ADGRB3: variants seen among roughly 807,000 people sequenced by gnomAD.
ADGRB3 encodes the protein brain-specific angiogenesis inhibitor 3.
In ADGRB3, 37 loss-of-function variants were observed where a neutral mutation model predicts 193.4. That is an observed-to-expected ratio of 0.19 (90% CI 0.15 to 0.25). ADGRB3 has a LOEUF of 0.25. Ranked by LOEUF, ADGRB3 falls within the 10% of genes least tolerant of loss-of-function variation. The pLI, the probability that ADGRB3 is intolerant of heterozygous loss-of-function variation, is 1.00. For synonymous variants in ADGRB3, 690 were observed against 644.2 expected (o/e 1.07, Z -1.08); for missense variants, 1,637 against 1,852.9 (o/e 0.88, Z 2.14).
chr6:68,884,019 A>G (rs991176442), intron 3 of ADGRB3, among the ~76,000 whole-genome samples: 1 of 150,064 alleles, frequency 6.7e-6, no homozygotes, highest in Non-Finnish European at 1.5e-5. Context: ...AGATATTTTA[A>G]AAAATGATTT....
In ADGRB3 at chr6:69,288,738, T is replaced by C. The variant is rs141654312; in HGVS notation, c.2815-36134T>C. Among the ~76,000 whole-genome samples, 3 of 152,318 alleles carry C rather than the reference T, an allele frequency of 2.0e-5. No individual in the cohort carries two copies. The East Asian group carries it at 5.8e-4, about 29-fold the overall frequency. ...GGCTTTGGCTTTCACAGTGTAGGTG[T>C]TTATTTTTAATTAAAGGCTTTTCCC... On this transcript the variant is annotated intron_variant, in intron 20 of 31. Transcript: ENST00000370598.
chr6:69,247,428 C>T (rs557306042), intron 20 of ADGRB3, among the ~76,000 whole-genome samples: 2 of 152,156 alleles, frequency 1.3e-5, no homozygotes, highest in Non-Finnish European at 2.9e-5. Flanking sequence ...CTTTCTGTTC[C>T]CTCCTAGGGA....
intron 3 of ADGRB3, among the ~76,000 whole-genome samples, chr6:68,700,988 A>T (rs936117378): frequency 2.0e-5 from 3 of 152,172 alleles, no homozygotes; most frequent in Non-Finnish European, 4.4e-5. Flanking sequence ...AAAATAATTT[A>T]AAAAACTATA....
At chr6:68,860,005 G>A (rs1765108477) in intron 3 of ADGRB3, among the ~76,000 whole-genome samples, 1 of 151,860 alleles carries the variant, frequency 6.6e-6, no homozygotes, top group Admixed American at 6.6e-5. Flanking sequence ...GGTATTTTAT[G>A]AAAAATAACT....
intron 5 of ADGRB3, among the ~76,000 whole-genome samples, chr6:68,938,427 A>C (rs779781784): frequency 8.4e-6 from 1 of 119,222 alleles, no homozygotes; most frequent in Non-Finnish European, 1.7e-5. Context: ...CTTGTATAAC[A>C]TGATATTTTG....
At chr6:69,290,732 G>C (rs1582608527) in intron 20 of ADGRB3, among the ~76,000 whole-genome samples, 1 of 152,082 alleles carries the variant, frequency 6.6e-6, no homozygotes, top group African/African-American at 2.4e-5. Context: ...TAGCTAATAA[G>C]TTTTCTAGCC....
intron 3 of ADGRB3, among the ~76,000 whole-genome samples, chr6:68,679,547 A>G (rs1046560870): frequency 3.3e-5 from 5 of 149,550 alleles, no homozygotes; most frequent in Admixed American, 6.7e-5. Flanking sequence ...GCTTTTCAGG[A>G]AAAAAAAAAT....
At chr6:68,851,277 C>A (rs12055424) in intron 3 of ADGRB3, among the ~76,000 whole-genome samples, 64,777 of 151,614 alleles carry the variant, frequency 0.43, 15,736 homozygotes, top group East Asian at 0.6. Context: ...CTCTGCCTCT[C>A]TAGCTGTCTT....
intron 3 of ADGRB3, among the ~76,000 whole-genome samples, chr6:68,662,722 T>C (rs1768695681): frequency 6.6e-6 from 1 of 151,414 alleles, no homozygotes. Context: ...TATAAAAATA[T>C]TATTTGTAGC....
intron 20 of ADGRB3, among the ~76,000 whole-genome samples, chr6:69,323,706 A>G (rs902102412): frequency 1.3e-5 from 2 of 152,090 alleles, no homozygotes. Context: ...CATCATTTAC[A>G]CAACCTGGTG....
chr6:69,377,102 T>C (rs548564121), intron 30 of ADGRB3, among the ~76,000 whole-genome samples: 1 of 152,190 alleles, frequency 6.6e-6, no homozygotes, highest in Admixed American at 6.6e-5. Context: ...CACAACACAC[T>C]TTAAGAACTA....
At chr6:68,711,747 G>T in intron 3 of ADGRB3, among the ~76,000 whole-genome samples, 1 of 150,218 alleles carries the variant, frequency 6.7e-6, no homozygotes, top group Non-Finnish European at 1.5e-5. Context: ...GTATAGATAA[G>T]ATTGATTCAT....
At chr6:68,807,259 A>T in intron 3 of ADGRB3, among the ~76,000 whole-genome samples, 1 of 92,138 alleles carries the variant, frequency 1.1e-5, no homozygotes, top group Admixed American at 1.7e-4. Context: ...TTTTTTTGAG[A>T]CAGAGTCTCG....
chr6:69,127,448 C>T (rs530200760), intron 17 of ADGRB3, among the ~76,000 whole-genome samples: 2 of 152,246 alleles, frequency 1.3e-5, no homozygotes, highest in Admixed American at 6.5e-5. Flanking sequence ...AGTGAGGGTG[C>T]GGTGGTCTGG....
At chr6:69,141,419 G>T (rs1395327151) in intron 17 of ADGRB3, among the ~76,000 whole-genome samples, 1 of 152,162 alleles carries the variant, frequency 6.6e-6, no homozygotes, top group African/African-American at 2.4e-5. Flanking sequence ...CACTGCGCCC[G>T]GCCGGGGCAG....
chr6:69,322,869 T>C (rs745999147), intron 20 of ADGRB3, among the ~76,000 whole-genome samples: 1 of 151,980 alleles, frequency 6.6e-6, no homozygotes, highest in African/African-American at 2.4e-5. Flanking sequence ...AATACTATTG[T>C]CTGAAGACAT....
intron 17 of ADGRB3, among the ~76,000 whole-genome samples, chr6:69,113,882 C>A (rs1040024474): frequency 2.0e-5 from 3 of 152,116 alleles, no homozygotes; most frequent in African/African-American, 7.2e-5. Context: ...CTAAGTCAGC[C>A]TGGGTGGCTG....
chr6:69,315,773 C>G (rs1412786323), intron 20 of ADGRB3, among the ~76,000 whole-genome samples: 1 of 151,246 alleles, frequency 6.6e-6, no homozygotes, highest in East Asian at 1.9e-4. Context: ...ATAGGCAAAT[C>G]AGGATGTGAA....
chr6:68,971,572 A>G (rs1175828221), intron 8 of ADGRB3, among the ~76,000 whole-genome samples: 3 of 151,904 alleles, frequency 2.0e-5, no homozygotes, highest in African/African-American at 7.3e-5. Context: ...TTCAAATACT[A>G]TACCATTTTA....
Sources: allele counts gnomAD v4.1 joint callset (sites outside exome capture counted in the v4.1 genomes callset), GRCh38; gene constraint gnomAD v4.1.1; transcripts MANE v1.5; gene names NCBI Gene and HGNC (gene_info 2026-07-23, HGNC 2026-07-21).